PTPRK: variants seen among roughly 807,000 people sequenced by gnomAD.
PTPRK encodes receptor-type tyrosine-protein phosphatase kappa.
PTPRK carries 75 observed loss-of-function variants against 178.0 expected under a neutral mutation model. The ratio of observed to expected loss-of-function variants is 0.42; its 90% CI spans 0.35 to 0.51. PTPRK has a LOEUF of 0.51. Ranked by LOEUF, PTPRK falls within the 20% of genes least tolerant of loss-of-function variation. The pLI, the probability that PTPRK is intolerant of heterozygous loss-of-function variation, is 0.02. For missense variants in PTPRK, 1,441 were observed against 1,797.8 expected, an observed-to-expected ratio of 0.80 and a Z score of 3.59; for synonymous variants, 637 against 620.6, an observed-to-expected ratio of 1.03 and a Z score of -0.39.
At chr6:128,331,335 G>C (rs968374679) in intron 2 of PTPRK, among the ~76,000 whole-genome samples, 2 of 152,100 alleles carry the variant, frequency 1.3e-5, no homozygotes, top group Non-Finnish European at 2.9e-5. Context: ...CAAAACCCTA[G>C]TGCAAGCTTT....
intron 7 of PTPRK, among the ~76,000 whole-genome samples, chr6:128,155,962 A>G (rs1221870238): frequency 6.6e-6 from 1 of 151,938 alleles, no homozygotes; most frequent in East Asian, 1.9e-4. Flanking sequence ...ACACCAGTAA[A>G]CATAATTCTG....
At chr6:128,220,229 A>G (rs150253420) in intron 5 of PTPRK, among the ~76,000 whole-genome samples, 1 of 152,212 alleles carries the variant, frequency 6.6e-6, no homozygotes, top group Admixed American at 6.5e-5. Flanking sequence ...TCAAGGAATA[A>G]ATAGCCAGAA....
At chr6:128,146,508 A>G (rs1036878544) in intron 7 of PTPRK, among the ~76,000 whole-genome samples, 6 of 150,338 alleles carry the variant, frequency 4.0e-5, no homozygotes, top group African/African-American at 1.5e-4. Flanking sequence ...CTGTGGCATG[A>G]TCTTGGTTCA....
At chr6:128,492,866 C>T (rs1018463625) in intron 1 of PTPRK, among the ~76,000 whole-genome samples, 2 of 152,194 alleles carry the variant, frequency 1.3e-5, no homozygotes, top group Non-Finnish European at 1.5e-5. Flanking sequence ...CCTTTCCAAG[C>T]CTAGACCTGC....
intron 2 of PTPRK, among the ~76,000 whole-genome samples, chr6:128,386,112 G>A (rs1838681446): frequency 6.6e-6 from 1 of 151,784 alleles, no homozygotes; most frequent in Admixed American, 6.6e-5. Context: ...ACTTAATAAA[G>A]GTTCTTTAAT....
intron 2 of PTPRK, among the ~76,000 whole-genome samples, chr6:128,396,597 T>C (rs1315177142): frequency 6.6e-6 from 1 of 152,158 alleles, no homozygotes; most frequent in Non-Finnish European, 1.5e-5. Flanking sequence ...TGACATCCTA[T>C]GTTAATGTGT....
chr6:128,424,296 T>C (rs889748399), intron 1 of PTPRK, among the ~76,000 whole-genome samples: 1 of 152,186 alleles, frequency 6.6e-6, no homozygotes, highest in South Asian at 2.1e-4. Flanking sequence ...GATAAAGATA[T>C]AGTGCAGAGA....
chr6:128,191,675 T>G (rs1181936168), intron 6 of PTPRK, among the ~76,000 whole-genome samples: 1 of 152,078 alleles, frequency 6.6e-6, no homozygotes, highest in East Asian at 1.9e-4. Context: ...TTGTACAACT[T>G]AAATATATTC....
At chr6:128,091,598 G>GT (rs1475407066) in intron 7 of PTPRK, among the ~76,000 whole-genome samples, 3 of 152,156 alleles carry the variant, frequency 2.0e-5, no homozygotes, top group Non-Finnish European at 4.4e-5. Flanking sequence ...GAATGAGAAA[G>GT]TAAGATTTCC....
intron 1 of PTPRK, among the ~76,000 whole-genome samples, chr6:128,417,645 T>C (rs1021113723): frequency 2.0e-5 from 3 of 152,202 alleles, no homozygotes; most frequent in Non-Finnish European, 4.4e-5. Flanking sequence ...AATTAGCCAA[T>C]AAAGGTGGGC....
intron 4 of PTPRK, chr6:128,241,125 T>C (rs1562853891): frequency 2.3e-6 from 1 of 439,248 alleles, no homozygotes; most frequent in Non-Finnish European, 4.6e-6. Context: ...GAACTTTAAA[T>C]GAGATGATTT....
chr6:128,118,197 G>A lies in PTPRK; in HGVS notation c.1163-28205C>T, dbSNP rs115701753. ...ACTTCATTTGCTCTTCTATCCATCA[G>A]AGTTTTTGGTGAAGGGATCTATAGC... On this transcript the variant is annotated intron_variant, in intron 7 of 29. Transcript: ENST00000368226. Among the ~76,000 whole-genome samples, 513 of 152,258 alleles carry A rather than the reference G, an allele frequency of 3.4e-3. 4 individuals carry two copies. Among genetic ancestry groups the A allele is most frequent in the African/African-American group, 0.012 (496 of 41,544 alleles).
At chr6:128,103,566 G>A (rs1789154362) in intron 7 of PTPRK, among the ~76,000 whole-genome samples, 1 of 152,114 alleles carries the variant, frequency 6.6e-6, no homozygotes, top group Middle Eastern at 3.2e-3. Context: ...AGGGGTTTCA[G>A]CTGAACAGGT....
intron 7 of PTPRK, among the ~76,000 whole-genome samples, chr6:128,139,536 A>T (rs1795475438): frequency 6.6e-6 from 1 of 152,098 alleles, no homozygotes; most frequent in African/African-American, 2.4e-5. Context: ...AACTTTGAGG[A>T]AGGTCTTTTG....
At chr6:128,025,803 TCTC>T (rs2114777668) in intron 13 of PTPRK, among the ~76,000 whole-genome samples, 1 of 152,282 alleles carries the variant, frequency 6.6e-6, no homozygotes, top group African/African-American at 2.4e-5. Flanking sequence ...CACATTGACT[TCTC>T]CTCTGTCAAA....
At chr6:128,135,078 TCACACACA>T (rs34254716) in intron 7 of PTPRK, among the ~76,000 whole-genome samples, 36 of 136,274 alleles carry the variant, frequency 2.6e-4, no homozygotes, top group Non-Finnish European at 3.6e-4. Flanking sequence ...AATCATTCAA[TCACACACA>T]CACACACACA....
At chr6:128,048,249 C>T (rs943639451) in intron 13 of PTPRK, among the ~76,000 whole-genome samples, 1 of 152,118 alleles carries the variant, frequency 6.6e-6, no homozygotes, top group Non-Finnish European at 1.5e-5. Flanking sequence ...TCTTTCCAGG[C>T]CCAGTGATTT....
intron 1 of PTPRK, chr6:128,491,857 C>T (rs1389936294): frequency 3.9e-6 from 2 of 507,396 alleles, no homozygotes; most frequent in African/African-American, 1.9e-5. Flanking sequence ...ACACTGAAAA[C>T]GAAAGCGGCT....
intron 27 of PTPRK, 117 bp from the exon 28 acceptor site, chr6:127,973,944 T>C: frequency 1.0e-6 from 1 of 985,726 alleles, no homozygotes; most frequent in Admixed American, 2.9e-5. Flanking sequence ...GTCTAGCTGA[T>C]ATAAATCCTC....
Sources: gnomAD v4.1 joint callset for allele counts (sites outside exome capture counted in the v4.1 genomes callset) on GRCh38, gnomAD v4.1.1 for gene constraint, MANE v1.5 for transcripts, NCBI Gene and HGNC (gene_info 2026-07-23, HGNC 2026-07-21) for gene names.